DZIP1: variants seen among roughly 807,000 people sequenced by gnomAD.
The protein encoded by DZIP1 is cilium assembly protein DZIP1.
In DZIP1, 97 loss-of-function variants were observed where a neutral mutation model predicts 107.6. The ratio of observed to expected loss-of-function variants is 0.90; its 90% CI spans 0.77 to 1.07. The LOEUF is 1.07. Ranked by LOEUF, DZIP1 falls within the 50% of genes least tolerant of loss-of-function variation. DZIP1 has a pLI of 0.00. For missense variants in DZIP1, 1,035 were observed against 1,063.6 expected, an observed-to-expected ratio of 0.97 and a Z score of 0.37; for synonymous variants, 390 against 386.4, an observed-to-expected ratio of 1.01 and a Z score of -0.11.
intron 6 of DZIP1, among the ~76,000 whole-genome samples, chr13:95,631,857 G>A (rs112747663): frequency 9.9e-5 from 15 of 152,228 alleles, no homozygotes; most frequent in African/African-American, 3.6e-4. Flanking sequence ...TCAGCTCAGG[G>A]GAATCAGACT....
chr13:95,581,369 A>G lies in DZIP1; in HGVS notation c.*865T>C, dbSNP rs2044009338. ...AAAAAAAACATACATATGTGAATTC[A>G]GTAATGGCTCAAATATTTTCTATTT... On this transcript the variant is annotated 3_prime_UTR_variant, in exon 23 of 23. Coordinates refer to ENST00000376829, the MANE Select transcript of DZIP1 (RefSeq NM_198968.4). The G allele has an allele frequency of 6.5e-6, 1 of 152,682 alleles. No individual in the cohort carries two copies. Among genetic ancestry groups the G allele is most frequent in the South Asian group, 2.1e-4 (1 of 4,830 alleles). The allele number at this position is 152,682 out of a possible 1,614,324, so 9.5% of individuals were successfully genotyped here. A position where few individuals can be genotyped will look rare whatever the true frequency, so the allele number is the denominator to read the frequency against.
rs748906728 is a variant in DZIP1 at position 95,633,230 on chromosome 13, T to C, written c.685+4A>G. 6.2e-7 allele frequency: 1 copy of C among 1,613,460 alleles called. No homozygotes were observed. The highest frequency in any genetic ancestry group is 1.1e-5 in the South Asian group (1 of 91,056). ...AGAGCTTTCAAACAGAACTCATTAC[T>C]CACCAAAATGAGAATTTTCTTCAGT... On this transcript the variant is annotated splice_donor_region_variant and intron_variant, in intron 6 of 22. Coordinates refer to ENST00000376829, the MANE Select transcript of DZIP1 (RefSeq NM_198968.4).
intron 16 of DZIP1, among the ~76,000 whole-genome samples, chr13:95,590,994 T>C (rs2044296240): frequency 6.7e-6 from 1 of 150,238 alleles, no homozygotes; most frequent in South Asian, 2.1e-4. Flanking sequence ...CAAGGAACAA[T>C]AGGTCATCAG....
At chr13:95,638,792 C>A (rs1467834800) in intron 5 of DZIP1, among the ~76,000 whole-genome samples, 5 of 152,138 alleles carry the variant, frequency 3.3e-5, no homozygotes, top group Non-Finnish European at 5.9e-5. Flanking sequence ...CTTATGATTT[C>A]TTAAAGCAAA....
chr13:95,642,095 A>G lies in DZIP1; in HGVS notation c.-66T>C. ...CCGGGCCGCCGCCGCCACAGCCCTCAGGAGCGGGAGAAGGCCGGGTTCCTC... is the reference window on the plus strand; with the variant it reads ...CCGGGCCGCCGCCGCCACAGCCCTCGGGAGCGGGAGAAGGCCGGGTTCCTC... On this transcript the variant is annotated 5_prime_UTR_variant, in exon 4 of 23. Coordinates refer to ENST00000376829, the MANE Select transcript of DZIP1 (RefSeq NM_198968.4). 1 of 1,450,660 alleles carries G rather than the reference A, an allele frequency of 6.9e-7. No individual in the cohort carries two copies. Among genetic ancestry groups the G allele is most frequent in the South Asian group, 1.5e-5 (1 of 68,096 alleles). The allele number at this position is 1,450,660 out of a possible 1,614,324, so 89.9% of individuals were successfully genotyped here.
chr13:95,617,922 A>C, intron 10 of DZIP1: 1 of 517,590 alleles, frequency 1.9e-6, no homozygotes, highest in Non-Finnish European at 3.8e-6. Flanking sequence ...TTGAGAGAGA[A>C]AGGTGGAATC....
At chr13:95,608,995 G>A (rs1055152662) in intron 13 of DZIP1, among the ~76,000 whole-genome samples, 1 of 152,200 alleles carries the variant, frequency 6.6e-6, no homozygotes, top group Admixed American at 6.5e-5. Context: ...ATGTCCTTTT[G>A]TTTTACTGCA....
chr13:95,623,519 A>G (rs1876157666), intron 8 of DZIP1, among the ~76,000 whole-genome samples: 1 of 152,258 alleles, frequency 6.6e-6, no homozygotes, highest in Non-Finnish European at 1.5e-5. Context: ...CAAAAATGCC[A>G]CAGACAGAGC....
Position 95,579,273 on chromosome 13 carries a change from T to C in DZIP1, c.*2961A>G, listed in dbSNP as rs2043981833. On this transcript the variant is annotated 3_prime_UTR_variant, in exon 23 of 23. Transcript: ENST00000376829. ...GGATAACTGAGAGACTTGTCATTTCTAAAGACATTTAAGTTGCTCCAGGGA... is the reference window on the plus strand; with the variant it reads ...GGATAACTGAGAGACTTGTCATTTCCAAAGACATTTAAGTTGCTCCAGGGA... 6.6e-6 allele frequency: 1 copy of C among 152,238 alleles called. No homozygotes were observed. Among genetic ancestry groups the C allele is most frequent in the South Asian group, 2.1e-4 (1 of 4,830 alleles). 9.4% of individuals were successfully genotyped at this position (152,238 alleles called of 1,614,324 possible). A position where few individuals can be genotyped will look rare whatever the true frequency, so the allele number is the denominator to read the frequency against.
At chr13:95,601,788 C>T (rs183545859) in intron 14 of DZIP1, among the ~76,000 whole-genome samples, 1 of 152,188 alleles carries the variant, frequency 6.6e-6, no homozygotes, top group African/African-American at 2.4e-5. Context: ...CCAAATGCCA[C>T]CGCTGTCCAC....
intron 16 of DZIP1, among the ~76,000 whole-genome samples, chr13:95,591,022 CTTT>C (rs755824494): frequency 7.8e-6 from 1 of 127,452 alleles, no homozygotes; most frequent in Non-Finnish European, 1.7e-5. Context: ...GAGGTGACTT[CTTT>C]TTTTTTTTTT....
At position 95,587,533 on chromosome 13, in the gene DZIP1, G is replaced by T. The variant is rs765476930; in HGVS notation, c.2218+6C>A. On this transcript the variant is annotated splice_donor_region_variant and intron_variant, in intron 20 of 22. Coordinates refer to ENST00000376829, the MANE Select transcript of DZIP1 (RefSeq NM_198968.4). ...TTCCAGAGAGTTTTCCAAGGTAACA[G>T]CTCACCTGCGGGCTTGGGAGAATCA... is the stretch of plus-strand genomic sequence containing the variant. 1.2e-6 allele frequency: 2 copies of T among 1,613,444 alleles called. No individual in the cohort carries two copies. Among genetic ancestry groups the T allele is most frequent in the East Asian group, 4.5e-5 (2 of 44,854 alleles).
At chr13:95,621,714 GTA>G (rs1555311619) in intron 9 of DZIP1, among the ~76,000 whole-genome samples, 2 of 125,886 alleles carry the variant, frequency 1.6e-5, no homozygotes, top group East Asian at 2.4e-4. Flanking sequence ...GTGTGTGTGT[GTA>G]TTTATTTATT....
At chr13:95,610,015 CT>C (rs1238360341) in intron 12 of DZIP1, among the ~76,000 whole-genome samples, 2 of 148,720 alleles carry the variant, frequency 1.3e-5, no homozygotes, top group African/African-American at 5.0e-5. Context: ...TTTTTTATTT[CT>C]TTTGCAAAGT....
chr13:95,620,082 G>T lies in DZIP1; in HGVS notation c.1111-135C>A, dbSNP rs1475576726. 4.6e-6 allele frequency: 4 copies of T among 866,354 alleles called. No homozygotes were observed. In the Admixed American group the frequency reaches 1.0e-4, roughly 22 times the overall value. 53.7% of individuals were successfully genotyped at this position (866,354 alleles called of 1,614,324 possible). On this transcript the variant is annotated intron_variant, in intron 9 of 22. Coordinates refer to ENST00000376829, the MANE Select transcript of DZIP1 (RefSeq NM_198968.4). ...AAAATTTTAGCTAGTGAAACAGTTTGGCTCTCGGTCCCCACTCAAATCTCA... is the reference window on the plus strand; with the variant it reads ...AAAATTTTAGCTAGTGAAACAGTTTTGCTCTCGGTCCCCACTCAAATCTCA...
In DZIP1 at chr13:95,594,200, G is replaced by A. The variant is rs1594656365; in HGVS notation, c.1538-114C>T. 3.4e-5 allele frequency: 29 copies of A among 864,868 alleles called. No individual in the cohort carries two copies. In the East Asian group the frequency reaches 7.3e-4, roughly 22 times the overall value. The allele number at this position is 864,868 out of a possible 1,614,324, so 53.6% of individuals were successfully genotyped here. A position where few individuals can be genotyped will look rare whatever the true frequency, so the allele number is the denominator to read the frequency against. The stretch of plus-strand genomic sequence containing the variant: ...TAAGCAGCAAGTAAGTATTTGTGAT[G>A]TTTTAAAGTTTTTGGATATTTTAGT... On this transcript the variant is annotated intron_variant, in intron 15 of 22. Coordinates refer to ENST00000376829, the MANE Select transcript of DZIP1 (RefSeq NM_198968.4).
chr13:95,629,166 T>A (rs1876901544), intron 7 of DZIP1, among the ~76,000 whole-genome samples: 2 of 152,370 alleles, frequency 1.3e-5, no homozygotes, highest in South Asian at 4.1e-4. Context: ...AAGCACACTG[T>A]CACTCCAACA....
Position 95,605,324 on chromosome 13 carries a change from T to C in DZIP1, c.1477+679A>G, listed in dbSNP as rs75543261. 8.2e-3 allele frequency among the ~76,000 whole-genome samples: 1,245 copies of C among 152,340 alleles called. 17 individuals carry two copies. The highest frequency in any genetic ancestry group is 0.028 in the African/African-American group (1,175 of 41,562). On this transcript the variant is annotated intron_variant, in intron 14 of 22. Coordinates refer to ENST00000376829, the MANE Select transcript of DZIP1 (RefSeq NM_198968.4). The stretch of plus-strand genomic sequence containing the variant: ...CCCTTCTCCCGTCTTAATTCATTTG[T>C]AATATCCAACAGAGCACAGGAAAAC...
chr13:95,626,048 C>T (rs1022762591), intron 7 of DZIP1, among the ~76,000 whole-genome samples: 1 of 152,012 alleles, frequency 6.6e-6, no homozygotes, highest in Non-Finnish European at 1.5e-5. Flanking sequence ...GGGAGGACCA[C>T]TTGGACCTGG....
Sources: allele counts gnomAD v4.1 joint callset (sites outside exome capture counted in the v4.1 genomes callset), GRCh38; gene constraint gnomAD v4.1.1; transcripts MANE v1.5; gene names NCBI Gene and HGNC (gene_info 2026-07-23, HGNC 2026-07-21).